CDK5RAP2: variants seen among roughly 807,000 people sequenced by gnomAD.
The protein encoded by CDK5RAP2 is CDK5 regulatory subunit-associated protein 2.
Under a neutral mutation model 232.9 loss-of-function variants are expected in CDK5RAP2, and 147 were observed. That is an observed-to-expected ratio of 0.63 (90% confidence interval 0.55 to 0.72). The LOEUF is 0.72. CDK5RAP2 is among the 30% of genes least tolerant of loss of function. The pLI, the probability that CDK5RAP2 is intolerant of heterozygous loss-of-function variation, is 0.00. For missense variants in CDK5RAP2, 2,195 were observed against 2,231.5 expected, an observed-to-expected ratio of 0.98 and a Z score of 0.33; for synonymous variants, 833 against 833.7, an observed-to-expected ratio of 1.00 and a Z score of 0.01.
chr9:120,451,590 A>G (rs954825095), intron 21 of CDK5RAP2, among the ~76,000 whole-genome samples: 2 of 152,136 alleles, frequency 1.3e-5, no homozygotes, highest in African/African-American at 4.8e-5. Flanking sequence ...CACAAAAAAT[A>G]TCATTAAATT....
chr9:120,424,853 C>T (rs945919309), intron 25 of CDK5RAP2, among the ~76,000 whole-genome samples: 4 of 152,008 alleles, frequency 2.6e-5, no homozygotes, highest in Non-Finnish European at 5.9e-5. Context: ...GCACACACCA[C>T]CACCATCAGC....
Position 120,470,221 on chromosome 9 carries a change from C to G in CDK5RAP2, c.1859-1G>C, listed in dbSNP as rs770289593. 6.8e-7 allele frequency: 1 copy of G among 1,472,222 alleles called. No individual in the cohort carries two copies. The highest frequency in any genetic ancestry group is 2.3e-5 in the East Asian group (1 of 43,866). 91.2% of individuals were successfully genotyped at this position (1,472,222 alleles called of 1,614,324 possible). A position where few individuals can be genotyped will look rare whatever the true frequency, so the allele number is the denominator to read the frequency against. On this transcript the variant is annotated splice_acceptor_variant, in intron 16 of 37. Transcript: ENST00000349780. LOFTEE classifies it high-confidence loss of function. ...TCACTATAAAGTGAAAATGATTCTTCTGCCCAAAAAAGAAAAAAAAAAGGT... is the reference window on the plus strand; with the variant it reads ...TCACTATAAAGTGAAAATGATTCTTGTGCCCAAAAAAGAAAAAAAAAAGGT...
At chr9:120,539,736 A>G (rs2041547592) in intron 5 of CDK5RAP2, among the ~76,000 whole-genome samples, 1 of 152,246 alleles carries the variant, frequency 6.6e-6, no homozygotes, top group African/African-American at 2.4e-5. Flanking sequence ...TATGTCTACT[A>G]TCCAGTGACT....
At chr9:120,395,453 A>T (rs2032378600) in intron 35 of CDK5RAP2, among the ~76,000 whole-genome samples, 1 of 152,248 alleles carries the variant, frequency 6.6e-6, no homozygotes, top group Non-Finnish European at 1.5e-5. Flanking sequence ...TAAACTCTGG[A>T]TGGGTGGCAA....
rs2040475562 is a variant in CDK5RAP2 at position 120,518,650 on chromosome 9, A to T, written c.1093-5T>A. The T allele has an allele frequency of 1.2e-6, 2 of 1,611,808 alleles. No homozygotes were observed. The highest frequency in any genetic ancestry group is 2.2e-5 in the South Asian group (2 of 90,904). ...AGTCTCATAGTCTTCAGACCCCTAGAAGAGAAGGCAGAGAAGCAAGATGAG... is the reference window on the plus strand; with the variant it reads ...AGTCTCATAGTCTTCAGACCCCTAGTAGAGAAGGCAGAGAAGCAAGATGAG... On this transcript the variant is annotated splice_region_variant and splice_polypyrimidine_tract_variant and intron_variant, in intron 11 of 37. Transcript: ENST00000349780.
In CDK5RAP2 at chr9:120,438,542, A is replaced by T. The variant is rs377727392; in HGVS notation, c.3722+857T>A. Among the ~76,000 whole-genome samples, 13 of 152,274 alleles carry T rather than the reference A, an allele frequency of 8.5e-5. No homozygotes were observed. In the East Asian group the frequency reaches 2.5e-3, roughly 29 times the overall value. ...GATGATGTGGGCTTGAACCCTGGCAATGGCTCTGACCAGCTCTGTGAATGT... is the reference window on the plus strand; with the variant it reads ...GATGATGTGGGCTTGAACCCTGGCATTGGCTCTGACCAGCTCTGTGAATGT... On this transcript the variant is annotated intron_variant, in intron 24 of 37. Coordinates refer to ENST00000349780, the MANE Select transcript of CDK5RAP2 (RefSeq NM_018249.6).
At chr9:120,431,894 C>A (rs1028280615) in intron 25 of CDK5RAP2, among the ~76,000 whole-genome samples, 3 of 152,206 alleles carry the variant, frequency 2.0e-5, no homozygotes, top group Non-Finnish European at 4.4e-5. Context: ...AGTTCCTGAT[C>A]TATTTTGATC....
chr9:120,576,503 A>C (rs1588693363), intron 1 of CDK5RAP2, among the ~76,000 whole-genome samples: 1 of 152,200 alleles, frequency 6.6e-6, no homozygotes, highest in Non-Finnish European at 1.5e-5. Flanking sequence ...AGAGTTCGAC[A>C]CCAGCCTGGC....
At chr9:120,431,419 T>C (rs1311920817) in intron 25 of CDK5RAP2, among the ~76,000 whole-genome samples, 2 of 152,228 alleles carry the variant, frequency 1.3e-5, no homozygotes, top group East Asian at 3.8e-4. Flanking sequence ...ACCAAGTGAA[T>C]GAACCTCTCC....
chr9:120,498,743 G>A (rs565401006), intron 12 of CDK5RAP2, among the ~76,000 whole-genome samples: 127 of 149,952 alleles, frequency 8.5e-4, no homozygotes, highest in Admixed American at 1.7e-3. Context: ...ATATATCAAC[G>A]GGTGTGGTGA....
At chr9:120,406,135 A>ATTTATT (rs1429225466) in intron 32 of CDK5RAP2, 1 of 152,154 alleles carries the variant, frequency 6.6e-6, no homozygotes, top group Non-Finnish European at 1.5e-5. Context: ...TCCTTAAGAG[A>ATTTATT]TTTATTTTTA....
intron 14 of CDK5RAP2, among the ~76,000 whole-genome samples, chr9:120,481,911 G>C (rs1242905424): frequency 6.6e-6 from 1 of 152,190 alleles, no homozygotes; most frequent in African/African-American, 2.4e-5. Context: ...AAAGTTCTCA[G>C]AATGATGCCC....
intron 23 of CDK5RAP2, among the ~76,000 whole-genome samples, chr9:120,441,985 T>C (rs550064233): frequency 6.6e-6 from 1 of 152,324 alleles, no homozygotes; most frequent in African/African-American, 2.4e-5. Context: ...TAAGGCTTTT[T>C]TTCCAGTGAA....
intron 16 of CDK5RAP2, 129 bp downstream of exon 16, chr9:120,471,618 CA>C: frequency 1.5e-6 from 2 of 1,336,594 alleles, no homozygotes; most frequent in East Asian, 2.3e-5. Context: ...ATGGTCACCA[CA>C]AAAAGGATCT....
chr9:120,515,542 A>C (rs1588535713), intron 12 of CDK5RAP2, among the ~76,000 whole-genome samples: 1 of 152,364 alleles, frequency 6.6e-6, no homozygotes, highest in Admixed American at 6.5e-5. Flanking sequence ...ATAACACTGA[A>C]TAAAGATGAG....
intron 23 of CDK5RAP2, among the ~76,000 whole-genome samples, chr9:120,442,017 T>C (rs1303441282): frequency 6.6e-6 from 1 of 152,066 alleles, no homozygotes; most frequent in Non-Finnish European, 1.5e-5. Context: ...GACAAGAAAA[T>C]ATCTTTGCTG....
At chr9:120,547,894 T>C (rs1022528177) in intron 4 of CDK5RAP2, among the ~76,000 whole-genome samples, 1 of 152,198 alleles carries the variant, frequency 6.6e-6, no homozygotes, top group African/African-American at 2.4e-5. Context: ...GAACAAGACA[T>C]GCTAACGTGG....
intron 28 of CDK5RAP2, 47 bp downstream of exon 28, chr9:120,414,993 G>A (rs1216431260): frequency 6.2e-7 from 1 of 1,608,426 alleles, no homozygotes; most frequent in East Asian, 2.2e-5. Context: ...GCGTCACAGT[G>A]AAGCACTCAC....
At chr9:120,523,696 T>G (rs984782797) in intron 11 of CDK5RAP2, among the ~76,000 whole-genome samples, 1 of 152,182 alleles carries the variant, frequency 6.6e-6, no homozygotes, top group Non-Finnish European at 1.5e-5. Context: ...GCAACATCAG[T>G]GCAAGAGGTG....
Sources: gnomAD v4.1 joint callset for allele counts (sites outside exome capture counted in the v4.1 genomes callset) on GRCh38, gnomAD v4.1.1 for gene constraint, MANE v1.5 for transcripts, NCBI Gene and HGNC (gene_info 2026-07-23, HGNC 2026-07-21) for gene names.